RNF130: variants seen among roughly 807,000 people sequenced by gnomAD.
RNF130 encodes the protein ring finger protein 130, also known as E3 ubiquitin-protein ligase RNF130.
In RNF130, 21 loss-of-function variants were observed where a neutral mutation model predicts 44.6. That is an observed-to-expected ratio of 0.47 (90% CI 0.33 to 0.68). The LOEUF is 0.68. RNF130 is among the 30% of genes least tolerant of loss of function. The pLI, the probability that RNF130 is intolerant of heterozygous loss-of-function variation, is 0.02. For missense variants in RNF130, 479 were observed against 560.6 expected (o/e 0.85, Z 1.47); for synonymous variants, 214 against 210.4 (o/e 1.02, Z -0.15).
At chr5:179,995,065 G>A (rs1309459148) in intron 3 of RNF130, among the ~76,000 whole-genome samples, 5 of 152,206 alleles carry the variant, frequency 3.3e-5, no homozygotes, top group African/African-American at 1.2e-4. Flanking sequence ...GGCTCTGACA[G>A]GGATCTAGGG....
At chr5:179,981,001 C>T (rs547241058) in intron 3 of RNF130, among the ~76,000 whole-genome samples, 46 of 151,780 alleles carry the variant, frequency 3.0e-4, no homozygotes, top group African/African-American at 9.7e-4. Flanking sequence ...AGGGGTGGGG[C>T]GAGGCAGGGG....
chr5:179,948,320 C>T (rs944601566), intron 7 of RNF130, among the ~76,000 whole-genome samples: 1 of 152,248 alleles, frequency 6.6e-6, no homozygotes, highest in Non-Finnish European at 1.5e-5. Flanking sequence ...TGCCCAGCTT[C>T]ATGGCAGACC....
At position 179,977,429 on chromosome 5, in the gene RNF130, A is replaced by C. The variant is rs1225336496; in HGVS notation, c.848+774T>G. On this transcript the variant is annotated intron_variant, in intron 5 of 8. Transcript: ENST00000521389. This position sits in a 1 kb window ranked among gnomAD's most constrained non-coding sequence, Gnocchi z 4.1. ...AGGGGCTGTTTTTGAAACCCACAGGAATCACAAAACAATGCCAAGCACAGT... is the reference window on the plus strand; with the variant it reads ...AGGGGCTGTTTTTGAAACCCACAGGCATCACAAAACAATGCCAAGCACAGT... 9.3e-6 allele frequency: 1 copy of C among 107,996 alleles called. No homozygotes were observed. Among genetic ancestry groups the C allele is most frequent in the East Asian group, 2.0e-4 (1 of 5,020 alleles). The allele number at this position is 107,996 out of a possible 1,614,324, so 6.7% of individuals were successfully genotyped here.
chr5:179,912,866 ACT>A (rs1315214814), exon 8 of RNF130: 1 of 152,058 alleles, frequency 6.6e-6, no homozygotes, highest in Non-Finnish European at 1.5e-5. Context: ...ATTTGAATTC[ACT>A]CTGTGTTGGG....
intron 7 of RNF130, among the ~76,000 whole-genome samples, chr5:179,921,621 A>C (rs1485597528): frequency 3.3e-5 from 5 of 152,200 alleles, no homozygotes; most frequent in African/African-American, 4.8e-5. Context: ...TACGTAGTGA[A>C]ACCTTGTCTC....
intron 1 of RNF130, among the ~76,000 whole-genome samples, chr5:180,068,391 T>C (rs541509198): frequency 6.6e-6 from 1 of 152,348 alleles, no homozygotes; most frequent in African/African-American, 2.4e-5. Context: ...AAACACGAAT[T>C]CTTTACCAGT....
chr5:180,039,323 T>A (rs1480300363), intron 2 of RNF130, among the ~76,000 whole-genome samples: 2 of 152,006 alleles, frequency 1.3e-5, no homozygotes. Context: ...CACTGCAACC[T>A]CCACCTCCTG....
intron 1 of RNF130, among the ~76,000 whole-genome samples, chr5:180,057,084 C>A (rs1234669914): frequency 6.6e-6 from 1 of 152,200 alleles, no homozygotes; most frequent in South Asian, 2.1e-4. Context: ...ACCATACCAG[C>A]GTCTGTGCTA....
chr5:179,930,658 T>C (rs575367118), intron 7 of RNF130, among the ~76,000 whole-genome samples: 32 of 152,350 alleles, frequency 2.1e-4, no homozygotes, highest in African/African-American at 6.5e-4. Context: ...ATAAGTATAA[T>C]GTTTGCTGTA....
At chr5:179,917,704 A>C (rs1413672688) in exon 8 of RNF130, 1 of 152,226 alleles carries the variant, frequency 6.6e-6, no homozygotes. Flanking sequence ...GGGATTAAAA[A>C]AAAAATGCCA....
At chr5:180,056,805 T>A (rs907959638) in intron 1 of RNF130, among the ~76,000 whole-genome samples, 1 of 152,130 alleles carries the variant, frequency 6.6e-6, no homozygotes, top group Non-Finnish European at 1.5e-5. Flanking sequence ...GACAGCAGAA[T>A]GCATAACTAC....
intron 7 of RNF130, among the ~76,000 whole-genome samples, chr5:179,921,525 T>C (rs111887415): frequency 0.042 from 6,447 of 152,308 alleles, 454 homozygotes; most frequent in African/African-American, 0.15. Context: ...TGGCTGGGTG[T>C]GGTGGCTCAT....
At chr5:179,962,717 C>T (rs531337610) in intron 8 of RNF130, among the ~76,000 whole-genome samples, 1 of 152,286 alleles carries the variant, frequency 6.6e-6, no homozygotes, top group South Asian at 2.1e-4. Context: ...TGGACCATAA[C>T]AGTCATCTAG....
At chr5:179,990,515 G>A (rs1191664592) in intron 3 of RNF130, among the ~76,000 whole-genome samples, 2 of 152,196 alleles carry the variant, frequency 1.3e-5, no homozygotes, top group African/African-American at 2.4e-5. Flanking sequence ...AGATAACTGC[G>A]GGTGGGCCTG....
chr5:179,913,399 C>T (rs1005397655), exon 8 of RNF130: 1 of 151,958 alleles, frequency 6.6e-6, no homozygotes, highest in Admixed American at 6.6e-5. Context: ...CCTTCTTCCC[C>T]AAGTTAGAGT....
intron 1 of RNF130, among the ~76,000 whole-genome samples, chr5:180,046,328 G>C (rs4700853): frequency 6.6e-6 from 1 of 152,108 alleles, no homozygotes; most frequent in Admixed American, 6.5e-5. Context: ...AGCGTGGCCA[G>C]AGCAGACACC....
At chr5:179,989,020 G>C (rs1320680969) in intron 3 of RNF130, among the ~76,000 whole-genome samples, 1 of 152,106 alleles carries the variant, frequency 6.6e-6, no homozygotes, top group Non-Finnish European at 1.5e-5. Context: ...CCCCAGACTG[G>C]GTAATTTATA....
chr5:179,959,679 A>ATGTT (rs1731429693), intron 8 of RNF130, among the ~76,000 whole-genome samples: 1 of 152,192 alleles, frequency 6.6e-6, no homozygotes, highest in Non-Finnish European at 1.5e-5. Context: ...TGAGAGTAAA[A>ATGTT]TAGAAACATC....
chr5:179,931,457 T>G (rs902387805), intron 7 of RNF130, among the ~76,000 whole-genome samples: 2 of 152,126 alleles, frequency 1.3e-5, no homozygotes, highest in African/African-American at 4.8e-5. Context: ...GTAACAGATT[T>G]TAATGAATCA....
Sources: allele counts gnomAD v4.1 joint callset (sites outside exome capture counted in the v4.1 genomes callset), GRCh38; gene constraint gnomAD v4.1.1; non-coding constraint Gnocchi (gnomAD v3.1); transcripts MANE v1.5; gene names NCBI Gene and HGNC (gene_info 2026-07-23, HGNC 2026-07-21).